Variants in RIMS1 observed in about 807,000 individuals in gnomAD.
The protein encoded by RIMS1 is regulating synaptic membrane exocytosis 1, also known as regulating synaptic membrane exocytosis protein 1.
Under a neutral mutation model 214.1 loss-of-function variants are expected in RIMS1, and 83 were observed. That is an observed-to-expected ratio of 0.39 (90% CI 0.32 to 0.47). The LOEUF is 0.47. Among genes scored for constraint, RIMS1 ranks in the 20% least tolerant of loss-of-function variants. The pLI, the probability that RIMS1 is intolerant of heterozygous loss-of-function variation, is 0.99. For missense variants in RIMS1, 2,050 were observed against 2,161.8 expected (o/e 0.95, Z 1.03); for synonymous variants, 793 against 786.8 (o/e 1.01, Z -0.13).
intron 2 of RIMS1, among the ~76,000 whole-genome samples, chr6:72,011,818 A>T (rs1451461069): frequency 6.6e-6 from 1 of 152,240 alleles, no homozygotes. Context: ...ATCATTAAAA[A>T]GTCAGGAAAC....
At chr6:71,980,863 A>G (rs781136748) in intron 2 of RIMS1, among the ~76,000 whole-genome samples, 4 of 152,134 alleles carry the variant, frequency 2.6e-5, no homozygotes, top group Non-Finnish European at 5.9e-5. Flanking sequence ...AGTAAGAGAT[A>G]AGACAAAAAT....
At chr6:72,085,085 A>G (rs1834315619) in intron 2 of RIMS1, among the ~76,000 whole-genome samples, 1 of 152,116 alleles carries the variant, frequency 6.6e-6, no homozygotes. Flanking sequence ...TTTAACACAT[A>G]AGATGTTGTA....
intron 2 of RIMS1, among the ~76,000 whole-genome samples, chr6:72,071,139 G>A (rs568136136): frequency 1.3e-5 from 2 of 152,286 alleles, no homozygotes; most frequent in South Asian, 2.1e-4. Context: ...GCTCATGCCT[G>A]TAATCACAGC....
chr6:72,012,996 G>T (rs961035776), intron 2 of RIMS1, among the ~76,000 whole-genome samples: 2 of 152,158 alleles, frequency 1.3e-5, no homozygotes, highest in Non-Finnish European at 2.9e-5. Context: ...TTTAAATTAT[G>T]CCTGTCTCTA....
At chr6:72,110,617 T>A (rs571226991) in intron 4 of RIMS1, among the ~76,000 whole-genome samples, 53 of 148,994 alleles carry the variant, frequency 3.6e-4, no homozygotes, top group Non-Finnish European at 6.7e-4. Context: ...GACAATGGGG[T>A]TTTCTAGATA....
intron 2 of RIMS1, among the ~76,000 whole-genome samples, chr6:72,009,897 C>G (rs1463657789): frequency 1.3e-5 from 2 of 152,134 alleles, no homozygotes; most frequent in Non-Finnish European, 2.9e-5. Flanking sequence ...ACCAGAGGTA[C>G]AAGGAAGAGC....
intron 28 of RIMS1, among the ~76,000 whole-genome samples, chr6:72,324,073 TAG>T (rs2096319133): frequency 6.7e-6 from 1 of 149,382 alleles, no homozygotes; most frequent in African/African-American, 2.5e-5. Flanking sequence ...GATAGATAGA[TAG>T]ATAGAGAACA....
intron 29 of RIMS1, among the ~76,000 whole-genome samples, chr6:72,336,738 C>T (rs2096857050): frequency 6.6e-6 from 1 of 151,766 alleles, no homozygotes; most frequent in Non-Finnish European, 1.5e-5. Context: ...TCTTCTTGAT[C>T]TTTCTAAAGC....
chr6:72,153,157 T>C (rs2043964861), intron 4 of RIMS1, among the ~76,000 whole-genome samples: 2 of 150,300 alleles, frequency 1.3e-5, no homozygotes, highest in African/African-American at 2.4e-5. Context: ...GGAATATATG[T>C]ATATATTCCC....
intron 4 of RIMS1, among the ~76,000 whole-genome samples, chr6:72,176,077 A>T (rs1243625812): frequency 6.6e-6 from 1 of 152,206 alleles, no homozygotes; most frequent in Non-Finnish European, 1.5e-5. Flanking sequence ...TCACGATAGT[A>T]TTTGAATTGA....
chr6:72,249,941 A>G lies in RIMS1; in HGVS notation c.2242-389A>G, dbSNP rs554234190. ...TTTAACTACCTGTGACACCAGAGAA[A>G]GCATTTAGTCACGCTATAATAATTT... On this transcript the variant is annotated intron_variant, in intron 12 of 33. Transcript: ENST00000521978. Among the ~76,000 whole-genome samples, 21 of 152,274 alleles carry G rather than the reference A, an allele frequency of 1.4e-4. 1 individual carries two copies. Among genetic ancestry groups the G allele is most frequent in the African/African-American group, 3.4e-4 (14 of 41,552 alleles).
chr6:72,372,860 C>T (rs1438375107), intron 29 of RIMS1, among the ~76,000 whole-genome samples: 1 of 152,088 alleles, frequency 6.6e-6, no homozygotes, highest in Non-Finnish European at 1.5e-5. Context: ...TTGGACTTGG[C>T]CTGTTAAGAG....
intron 6 of RIMS1, among the ~76,000 whole-genome samples, chr6:72,222,596 C>T (rs1426934510): frequency 6.6e-6 from 1 of 152,008 alleles, no homozygotes; most frequent in Non-Finnish European, 1.5e-5. Context: ...CTGATCTCTT[C>T]TTATTTACAG....
At chr6:72,228,245 A>C (rs2060873401) in intron 6 of RIMS1, among the ~76,000 whole-genome samples, 2 of 151,852 alleles carry the variant, frequency 1.3e-5, no homozygotes, top group Admixed American at 1.3e-4. Flanking sequence ...TATACAGTAA[A>C]TCTCTAGGGT....
chr6:72,367,365 A>G (rs929463777), intron 29 of RIMS1, among the ~76,000 whole-genome samples: 2 of 152,174 alleles, frequency 1.3e-5, no homozygotes, highest in African/African-American at 4.8e-5. Context: ...ATTCAGAAGT[A>G]TATTTACTTT....
At chr6:72,029,968 G>A (rs1251420914) in intron 2 of RIMS1, among the ~76,000 whole-genome samples, 1 of 152,166 alleles carries the variant, frequency 6.6e-6, no homozygotes, top group African/African-American at 2.4e-5. Context: ...CAAGATGCAT[G>A]TAGAGAACAA....
chr6:71,935,623 G>T (rs539705946), intron 1 of RIMS1, among the ~76,000 whole-genome samples: 1 of 152,022 alleles, frequency 6.6e-6, no homozygotes, highest in Admixed American at 6.6e-5. Context: ...TTTGCTGTTG[G>T]CCTCTCTTCC....
At chr6:72,099,634 A>G (rs2033029402) in intron 3 of RIMS1, among the ~76,000 whole-genome samples, 1 of 152,120 alleles carries the variant, frequency 6.6e-6, no homozygotes, top group African/African-American at 2.4e-5. Flanking sequence ...TTTTTCAATA[A>G]TAGGTAGACT....
chr6:72,007,071 C>G (rs368652886), intron 2 of RIMS1, among the ~76,000 whole-genome samples: 78 of 152,272 alleles, frequency 5.1e-4, no homozygotes, highest in African/African-American at 1.8e-3. Context: ...GGGAGGCCCC[C>G]CCAAGTAGGG....
Sources: allele counts gnomAD v4.1 joint callset (sites outside exome capture counted in the v4.1 genomes callset), GRCh38; gene constraint gnomAD v4.1.1; transcripts MANE v1.5; gene names NCBI Gene and HGNC (gene_info 2026-07-23, HGNC 2026-07-21).